The following CACNA1C variants were observed in gnomAD, a reference collection of about 807,000 sequenced individuals.
The protein encoded by CACNA1C is voltage-dependent L-type calcium channel subunit alpha-1C.
Under a neutral mutation model 229.0 loss-of-function variants are expected in CACNA1C, and 30 were observed. The observed-to-expected ratio is 0.13, with a 90% confidence interval of 0.10 to 0.18. CACNA1C has a LOEUF of 0.18. CACNA1C is among the 10% of genes least tolerant of loss of function. The pLI is 1.00. For synonymous variants in CACNA1C, 1,114 were observed against 1,132.5 expected (o/e 0.98, Z 0.33); for missense variants, 1,658 against 2,845.0 (o/e 0.58, Z 9.49).
intron 3 of CACNA1C, among the ~76,000 whole-genome samples, chr12:2,412,097 C>T (rs1405628242): frequency 1.3e-5 from 2 of 152,002 alleles, no homozygotes; most frequent in Non-Finnish European, 2.9e-5. Context: ...CACTCCACTG[C>T]CCTTAGCTCG....
chr12:2,437,242 T>C (rs2099143250), intron 3 of CACNA1C, among the ~76,000 whole-genome samples: 1 of 152,178 alleles, frequency 6.6e-6, no homozygotes, highest in African/African-American at 2.4e-5. Flanking sequence ...GGGAAGAAAG[T>C]GTGTGGTAGG....
At chr12:2,544,096 C>G (rs28384339) in intron 9 of CACNA1C, among the ~76,000 whole-genome samples, 2 of 150,348 alleles carry the variant, frequency 1.3e-5, no homozygotes, top group East Asian at 4.0e-4. Flanking sequence ...CCAAGTGGCT[C>G]ATTTCAGCTC....
intron 1 of CACNA1C, chr12:1,993,433 T>C (rs889914904): frequency 6.3e-7 from 1 of 1,592,394 alleles, no homozygotes; most frequent in Non-Finnish European, 8.6e-7. Context: ...ATAGACAAAT[T>C]GCTTAGTATG....
intron 31 of CACNA1C, among the ~76,000 whole-genome samples, chr12:2,650,785 A>ACCTTCCCTCTCCCCTTCC (rs1255440892): frequency 2.6e-5 from 4 of 151,448 alleles, no homozygotes; most frequent in Non-Finnish European, 5.9e-5. Context: ...CCTCCCCTTC[A>ACCTTCCCTCTCCCCTTCC]CCTTCCCTCT....
chr12:2,648,179 C>CA, intron 30 of CACNA1C, among the ~76,000 whole-genome samples: 1 of 152,160 alleles, frequency 6.6e-6, no homozygotes, highest in South Asian at 2.1e-4. Context: ...CCTCCATCCA[C>CA]AAAATCCCAA....
intron 1 of CACNA1C, among the ~76,000 whole-genome samples, chr12:2,006,139 G>T (rs1443123538): frequency 6.6e-6 from 1 of 152,182 alleles, no homozygotes; most frequent in Non-Finnish European, 1.5e-5. Flanking sequence ...GCCAGGTGCG[G>T]TGGCTCCTGC....
chr12:2,240,060 C>T lies in CACNA1C; in HGVS notation c.477+119630C>T, dbSNP rs146605799. 2.6e-4 allele frequency among the ~76,000 whole-genome samples: 39 copies of T among 152,344 alleles called. No individual in the cohort carries two copies. The East Asian group carries it at 6.9e-3, about 27-fold the overall frequency. On this transcript the variant is annotated intron_variant, in intron 3 of 46. Transcript: ENST00000399655. ...AGAAATTGTATCAATCAACAGTGAT[C>T]GCTAAATTGCTGGATCAGTCAGAAA...
intron 3 of CACNA1C, among the ~76,000 whole-genome samples, chr12:2,202,300 C>T (rs11062153): frequency 0.079 from 12,017 of 152,206 alleles, 1,553 homozygotes; most frequent in African/African-American, 0.27. Context: ...GAGGCCCGCA[C>T]GCTTTGGGTG....
chr12:2,281,934 C>T (rs927351465), intron 3 of CACNA1C, among the ~76,000 whole-genome samples: 8 of 151,974 alleles, frequency 5.3e-5, no homozygotes, highest in Non-Finnish European at 1.0e-4. Context: ...TTGACATTGT[C>T]GAACAGATCA....
At chr12:2,387,220 C>T (rs2098406599) in intron 3 of CACNA1C, among the ~76,000 whole-genome samples, 1 of 152,190 alleles carries the variant, frequency 6.6e-6, no homozygotes, top group African/African-American at 2.4e-5. Context: ...TGCAGTGGCT[C>T]ATGCCTGTAA....
At chr12:2,109,913 A>G (rs897225608) in intron 1 of CACNA1C, among the ~76,000 whole-genome samples, 8 of 152,364 alleles carry the variant, frequency 5.3e-5, no homozygotes, top group Non-Finnish European at 1.2e-4. Flanking sequence ...TGACTCCAGC[A>G]GTGTTCCTTC....
chr12:2,358,298 TGTGTGTGTGTC>T (rs2154529672), intron 3 of CACNA1C, among the ~76,000 whole-genome samples: 1 of 136,846 alleles, frequency 7.3e-6, no homozygotes, highest in African/African-American at 3.1e-5. Flanking sequence ...TGTGTGTGTG[TGTGTGTGTGTC>T]TCTTTGTCAT....
intron 38 of CACNA1C, among the ~76,000 whole-genome samples, chr12:2,671,155 C>G (rs1287572510): frequency 6.6e-6 from 1 of 151,920 alleles, no homozygotes; most frequent in Non-Finnish European, 1.5e-5. Flanking sequence ...GCTGGGATTA[C>G]AGGCACGTGC....
intron 8 of CACNA1C, among the ~76,000 whole-genome samples, chr12:2,511,250 C>G (rs2099783043): frequency 6.6e-6 from 1 of 152,242 alleles, no homozygotes; most frequent in Non-Finnish European, 1.5e-5. Flanking sequence ...AGGCCCCACC[C>G]CAGCCCCAAC....
At chr12:2,623,006 C>G (rs1321521114) in intron 29 of CACNA1C, among the ~76,000 whole-genome samples, 1 of 152,212 alleles carries the variant, frequency 6.6e-6, no homozygotes, top group Non-Finnish European at 1.5e-5. Flanking sequence ...GTTTTCATCT[C>G]TATGTAGTCT....
chr12:2,150,561 A>C (rs554929314), intron 3 of CACNA1C, among the ~76,000 whole-genome samples: 1 of 152,206 alleles, frequency 6.6e-6, no homozygotes, highest in African/African-American at 2.4e-5. Flanking sequence ...ACAGCAGTGC[A>C]CTCCCTCTCC....
At chr12:2,106,674 C>T (rs1350435543) in intron 1 of CACNA1C, among the ~76,000 whole-genome samples, 209 of 34,746 alleles carry the variant, frequency 6.0e-3, no homozygotes, top group African/African-American at 0.015. Flanking sequence ...TCAGCTGGGG[C>T]GTCCTGAAGC....
intron 13 of CACNA1C, among the ~76,000 whole-genome samples, chr12:2,574,084 CA>C (rs1195042570): frequency 3.3e-5 from 5 of 150,952 alleles, no homozygotes; most frequent in South Asian, 2.1e-4. Context: ...TGTTTCAAGA[CA>C]AAAAAAAGGC....
At chr12:2,216,224 C>T (rs1051693801) in intron 3 of CACNA1C, among the ~76,000 whole-genome samples, 4 of 152,108 alleles carry the variant, frequency 2.6e-5, no homozygotes, top group African/African-American at 4.8e-5. Context: ...GTGCCTCAGT[C>T]GGGCACTGGA....
Sources: allele counts gnomAD v4.1 joint callset (sites outside exome capture counted in the v4.1 genomes callset), GRCh38; gene constraint gnomAD v4.1.1; transcripts MANE v1.5; gene names NCBI Gene and HGNC (gene_info 2026-07-23, HGNC 2026-07-21).